PTER: variants seen among roughly 807,000 people sequenced by gnomAD.
The protein encoded by PTER is phosphotriesterase related.
Under a neutral mutation model 29.6 loss-of-function variants are expected in PTER, and 38 were observed. The ratio of observed to expected loss-of-function variants is 1.28; its 90% CI spans 0.99 to 1.68. The LOEUF (loss-of-function observed/expected upper bound fraction) is 1.68, where lower values mean the gene tolerates loss of function less well. Among genes scored for constraint, PTER ranks in the 40% most tolerant of loss-of-function variants. PTER has a pLI of 0.00. For missense variants in PTER, 482 were observed against 427.8 expected (o/e 1.13, Z -1.12); for synonymous variants, 172 against 154.5 (o/e 1.11, Z -0.84).
At chr10:16,459,075 C>G (rs765647067) in intron 1 of PTER, among the ~76,000 whole-genome samples, 7 of 152,180 alleles carry the variant, frequency 4.6e-5, no homozygotes, top group South Asian at 2.1e-4. Flanking sequence ...ATTAGCATCT[C>G]TGGGTATTTT....
Position 16,511,308 on chromosome 10 carries a change from C to A in PTER, c.*52C>A. On this transcript the variant is annotated 3_prime_UTR_variant, in exon 5 of 5. Coordinates refer to ENST00000535784, the MANE Select transcript of PTER (RefSeq NM_001261836.2). The stretch of plus-strand genomic sequence containing the variant: ...GAGTATAAAACTTGCAGAGAACATT[C>A]AGCGATTTCCAGTCCACTGTGAGAT... 6.9e-7 allele frequency: 1 copy of A among 1,448,512 alleles called. No homozygotes were observed. The highest frequency in any genetic ancestry group is 9.7e-7 in the Non-Finnish European group (1 of 1,033,410). The allele number at this position is 1,448,512 out of a possible 1,614,324, so 89.7% of individuals were successfully genotyped here.
At chr10:16,499,686 C>T (rs1331035424) in intron 3 of PTER, among the ~76,000 whole-genome samples, 2 of 152,118 alleles carry the variant, frequency 1.3e-5, no homozygotes, top group African/African-American at 4.8e-5. Context: ...TCAAGTGACC[C>T]TTCCACCTCA....
intron 1 of PTER, among the ~76,000 whole-genome samples, chr10:16,462,231 C>A (rs2133394197): frequency 6.6e-6 from 1 of 152,256 alleles, no homozygotes; most frequent in East Asian, 1.9e-4. Flanking sequence ...AGCAATCCAC[C>A]CGCCTCGGCC....
intron 1 of PTER, among the ~76,000 whole-genome samples, chr10:16,479,318 G>A (rs1334207789): frequency 6.6e-6 from 1 of 152,134 alleles, no homozygotes; most frequent in African/African-American, 2.4e-5. Flanking sequence ...TGCACATGCA[G>A]TAGGGCCATT....
chr10:16,495,168 C>CTTTTTTTTTTTTTTTTTTTTTTTTTTTTT (rs3047217), intron 3 of PTER, among the ~76,000 whole-genome samples: 1 of 132,210 alleles, frequency 7.6e-6, no homozygotes, highest in African/African-American at 2.9e-5. Context: ...TTTGGAATTA[C>CTTTTTTTTTTTTTTTTTTTTTTTTTTTTT]TTTTTTTTTT....
intron 4 of PTER, among the ~76,000 whole-genome samples, chr10:16,506,638 A>G (rs1360762907): frequency 6.6e-6 from 1 of 152,102 alleles, no homozygotes; most frequent in East Asian, 1.9e-4. Flanking sequence ...TTCTCCATGG[A>G]AATGAGAGGG....
At chr10:16,509,789 A>C (rs935135512) in intron 4 of PTER, among the ~76,000 whole-genome samples, 3 of 152,220 alleles carry the variant, frequency 2.0e-5, no homozygotes, top group Non-Finnish European at 2.9e-5. Flanking sequence ...AAGTCATTAC[A>C]TGCACTTATA....
intron 3 of PTER, among the ~76,000 whole-genome samples, chr10:16,492,301 C>T (rs950749886): frequency 6.6e-6 from 1 of 152,170 alleles, no homozygotes; most frequent in African/African-American, 2.4e-5. Context: ...AAAAGAGCAC[C>T]TGGCACTTAA....
intron 2 of PTER, among the ~76,000 whole-genome samples, chr10:16,485,717 C>G (rs1835669004): frequency 6.6e-6 from 1 of 151,992 alleles, no homozygotes; most frequent in Non-Finnish European, 1.5e-5. Flanking sequence ...CATATGAACC[C>G]AAAAGTCTAA....
intron 1 of PTER, among the ~76,000 whole-genome samples, chr10:16,470,140 T>C (rs989137187): frequency 2.0e-5 from 3 of 152,202 alleles, no homozygotes; most frequent in African/African-American, 7.2e-5. Context: ...AGGTTGGAAT[T>C]GCAGCCTTTC....
Position 16,486,635 on chromosome 10 carries a change from C to T in PTER, c.698+18C>T, listed in dbSNP as rs374113021. The T allele has an allele frequency of 1.3e-6, 2 of 1,590,698 alleles. No homozygotes were observed. Among genetic ancestry groups the T allele is most frequent in the African/African-American group, 1.3e-5 (1 of 74,132 alleles). ...CTGGATAGGTAAGTAGGCTGTCTTA[C>T]AAATGGATGCAAACTGCCATATAAT... On this transcript the variant is annotated intron_variant, in intron 3 of 4. Coordinates refer to ENST00000535784, the MANE Select transcript of PTER (RefSeq NM_001261836.2).
chr10:16,462,650 A>G (rs1834659869), intron 1 of PTER, among the ~76,000 whole-genome samples: 1 of 147,488 alleles, frequency 6.8e-6, no homozygotes, highest in Non-Finnish European at 1.5e-5. Context: ...AGCGCTCTGT[A>G]GACTCCGGCT....
intron 1 of PTER, among the ~76,000 whole-genome samples, chr10:16,440,508 G>C (rs982866367): frequency 6.6e-6 from 1 of 152,248 alleles, no homozygotes; most frequent in Non-Finnish European, 1.5e-5. Flanking sequence ...ATAACCACCT[G>C]AGTACAAATA....
chr10:16,504,609 C>A (rs2077751257), intron 3 of PTER, among the ~76,000 whole-genome samples: 1 of 152,172 alleles, frequency 6.6e-6, no homozygotes. Context: ...TTCACCAGAC[C>A]TGAGGCCAGA....
chr10:16,486,293 G>C lies in PTER; in HGVS notation c.433-59G>C, dbSNP rs1320832216. 1.3e-5 allele frequency: 19 copies of C among 1,434,030 alleles called. No individual in the cohort carries two copies. The South Asian group carries it at 2.3e-4, about 18-fold the overall frequency. The allele number at this position is 1,434,030 out of a possible 1,614,324, so 88.8% of individuals were successfully genotyped here. On this transcript the variant is annotated intron_variant, in intron 2 of 4. Coordinates refer to ENST00000535784, the MANE Select transcript of PTER (RefSeq NM_001261836.2). Reference sequence around the variant, plus strand: ...AATAAATTCATTCACATACTGTGGTGGATCTATTTTGATAAATTTCACAAC... The same window carrying C: ...AATAAATTCATTCACATACTGTGGTCGATCTATTTTGATAAATTTCACAAC...
chr10:16,514,794 T>A, downstream of PTER: 1 of 962,028 alleles, frequency 1.0e-6, no homozygotes, highest in Non-Finnish European at 1.5e-6. Flanking sequence ...ACAAGCTGAC[T>A]TGCTGCCATA....
At chr10:16,440,396 A>G (rs1239608378) in intron 1 of PTER, among the ~76,000 whole-genome samples, 3 of 152,032 alleles carry the variant, frequency 2.0e-5, no homozygotes, top group East Asian at 1.9e-4. Context: ...CATAGACATC[A>G]TCTCTTAAAA....
rs539026217 is a variant in PTER, at chr10:16,485,458, CTATT to C, written c.432+646_432+649del. On this transcript the variant is annotated intron_variant, in intron 2 of 4. Transcript: ENST00000535784. ...GTTCTCTTTCTAAACACACATGTAT[CTATT>C]TATACATGTTTACACATATATGTAT... Among the ~76,000 whole-genome samples, 14 of 152,232 alleles carry C rather than the reference CTATT, an allele frequency of 9.2e-5. No individual in the cohort carries two copies. The South Asian group carries it at 1.0e-3, about 11-fold the overall frequency.
intron 1 of PTER, among the ~76,000 whole-genome samples, chr10:16,440,375 G>A (rs1241775281): frequency 6.6e-6 from 1 of 151,832 alleles, no homozygotes; most frequent in East Asian, 1.9e-4. Flanking sequence ...TATAACAAAA[G>A]GCTTCTCATT....
Sources: allele counts gnomAD v4.1 joint callset (sites outside exome capture counted in the v4.1 genomes callset), GRCh38; gene constraint gnomAD v4.1.1; transcripts MANE v1.5; gene names NCBI Gene and HGNC (gene_info 2026-07-23, HGNC 2026-07-21).